DEK: variants seen among roughly 807,000 people sequenced by gnomAD.
The protein encoded by DEK is DEK proto-oncogene.
A neutral mutation model predicts 46.8 loss-of-function variants in DEK; 28 were observed. That is an observed-to-expected ratio of 0.60 (90% confidence interval 0.44 to 0.82). DEK has a LOEUF of 0.82. Among genes scored for constraint, DEK ranks in the 40% least tolerant of loss-of-function variants. DEK has a pLI of 0.00. For synonymous variants in DEK, 160 were observed against 144.5 expected (o/e 1.11, Z -0.77); for missense variants, 416 against 430.6 (o/e 0.97, Z 0.30).
At chr6:18,237,576 T>G in intron 7 of DEK, 60 bp from the exon 8 acceptor site, 1 of 1,521,674 alleles carries the variant, frequency 6.6e-7, no homozygotes, top group Non-Finnish European at 8.8e-7. Flanking sequence ...TCCCATCCCA[T>G]CCCTCTACTT....
chr6:18,255,687 C>T, intron 6 of DEK, 44 bp downstream of exon 6: 1 of 1,571,300 alleles, frequency 6.4e-7, no homozygotes, highest in Non-Finnish European at 8.6e-7. Context: ...TATAAAGAGG[C>T]TATGAATAAC....
At chr6:18,264,216 C>G (rs1168756151) in intron 1 of DEK, 169 bp downstream of exon 1, 1 of 347,844 alleles carries the variant, frequency 2.9e-6, no homozygotes, top group Non-Finnish European at 5.1e-6. Context: ...CGCCCGCTGC[C>G]CCGCGTGCGC....
intron 6 of DEK, among the ~76,000 whole-genome samples, chr6:18,253,567 T>C (rs1582289037): frequency 6.6e-6 from 1 of 152,210 alleles, no homozygotes. Flanking sequence ...TTAATTAACC[T>C]GGTTTCAGAC....
intron 7 of DEK, among the ~76,000 whole-genome samples, chr6:18,240,680 G>A (rs1790858167): frequency 6.6e-6 from 1 of 152,206 alleles, no homozygotes; most frequent in African/African-American, 2.4e-5. Flanking sequence ...AAAAAGCAGG[G>A]TGCAGTGGCT....
At chr6:18,247,056 A>C (rs1228400318) in intron 7 of DEK, among the ~76,000 whole-genome samples, 1 of 152,218 alleles carries the variant, frequency 6.6e-6, no homozygotes, top group Non-Finnish European at 1.5e-5. Context: ...TAATGACCAA[A>C]AATAGCTCCA....
intron 7 of DEK, among the ~76,000 whole-genome samples, chr6:18,246,208 G>A (rs532179827): frequency 7.2e-5 from 11 of 151,834 alleles, no homozygotes; most frequent in Non-Finnish European, 1.6e-4. Flanking sequence ...AAAATAACCT[G>A]TTTATTTTCC....
chr6:18,247,186 T>C (rs79697737), intron 7 of DEK, among the ~76,000 whole-genome samples: 30 of 152,262 alleles, frequency 2.0e-4, no homozygotes, highest in African/African-American at 7.0e-4. Context: ...TTCAAAGGCC[T>C]TTCACAGAAA....
At chr6:18,241,768 T>C (rs547617441) in intron 7 of DEK, among the ~76,000 whole-genome samples, 2 of 152,170 alleles carry the variant, frequency 1.3e-5, no homozygotes, top group African/African-American at 2.4e-5. Context: ...TTTTAAACAA[T>C]CATTTAAAAA....
intron 7 of DEK, among the ~76,000 whole-genome samples, chr6:18,240,534 T>A (rs113112436): frequency 3.8e-4 from 58 of 152,354 alleles, no homozygotes; most frequent in African/African-American, 1.3e-3. Flanking sequence ...ATGAAAAGTA[T>A]TTTTGGTAGT....
At chr6:18,231,692 T>C (rs1191282903) in intron 9 of DEK, among the ~76,000 whole-genome samples, 4 of 152,130 alleles carry the variant, frequency 2.6e-5, no homozygotes, top group African/African-American at 7.2e-5. Context: ...AATAGACCAA[T>C]AACAGGTTCT....
At chr6:18,261,400 T>C (rs1368195545) in intron 2 of DEK, among the ~76,000 whole-genome samples, 2 of 152,088 alleles carry the variant, frequency 1.3e-5, no homozygotes, top group Non-Finnish European at 2.9e-5. Flanking sequence ...TGGAGAAACC[T>C]TGTCTCTATT....
At chr6:18,227,137 C>A (rs1174002771) in intron 9 of DEK, among the ~76,000 whole-genome samples, 1 of 152,076 alleles carries the variant, frequency 6.6e-6, no homozygotes, top group African/African-American at 2.4e-5. Flanking sequence ...AAGACCTGAC[C>A]GTCCCCCAGC....
At chr6:18,251,905 T>A (rs1021926451) in intron 6 of DEK, among the ~76,000 whole-genome samples, 24 of 152,190 alleles carry the variant, frequency 1.6e-4, no homozygotes, top group African/African-American at 5.8e-4. Flanking sequence ...GATGTTAAGT[T>A]ATTCAAGCAG....
intron 7 of DEK, among the ~76,000 whole-genome samples, chr6:18,241,043 TA>T (rs1790871594): frequency 1.3e-5 from 2 of 152,204 alleles, no homozygotes; most frequent in South Asian, 4.1e-4. Flanking sequence ...AGGAATTTGG[TA>T]AAGTCTCTTT....
chr6:18,249,855 T>C lies in DEK; in HGVS notation c.574-16A>G, dbSNP rs1791290318. ...TCGGCAATGGCTGCATAAAAATTTA[T>C]AAAGATAACACCAATGAGGTATAAT... On this transcript the variant is annotated splice_polypyrimidine_tract_variant and intron_variant, in intron 6 of 10. Coordinates refer to ENST00000652689, the MANE Select transcript of DEK (RefSeq NM_003472.4). 3 of 1,587,204 alleles carry C rather than the reference T, an allele frequency of 1.9e-6. No individual in the cohort carries two copies. The highest frequency in any genetic ancestry group is 2.6e-6 in the Non-Finnish European group (3 of 1,172,084).
intron 9 of DEK, among the ~76,000 whole-genome samples, chr6:18,232,983 A>G (rs1790475478): frequency 6.6e-6 from 1 of 152,212 alleles, no homozygotes; most frequent in South Asian, 2.1e-4. Flanking sequence ...ACAGCATGGT[A>G]CTGGTACCAA....
chr6:18,260,432 A>T (rs1791805774), intron 2 of DEK, among the ~76,000 whole-genome samples: 1 of 152,158 alleles, frequency 6.6e-6, no homozygotes, highest in South Asian at 2.1e-4. Flanking sequence ...CAGGCACCTA[A>T]ACTCAAAATA....
Position 18,263,793 on chromosome 6 carries a change from A to G in DEK, c.145+50T>C, listed in dbSNP as rs1331782823. 2.5e-6 allele frequency: 4 copies of G among 1,610,486 alleles called. No homozygotes were observed. In the African/African-American group the frequency reaches 5.3e-5, roughly 22 times the overall value. ...AACTGTTTCCTGGGTGAAAAATACA[A>G]AAAAACTTCGGTCTGAAAAATTCAT... On this transcript the variant is annotated intron_variant, in intron 2 of 10. Coordinates refer to ENST00000652689, the MANE Select transcript of DEK (RefSeq NM_003472.4).
At chr6:18,231,822 C>T (rs1790425301) in intron 9 of DEK, among the ~76,000 whole-genome samples, 1 of 152,178 alleles carries the variant, frequency 6.6e-6, no homozygotes, top group East Asian at 1.9e-4. Flanking sequence ...TAAAACTATT[C>T]CAATGAATAG....
Sources: gnomAD v4.1 joint callset for allele counts (sites outside exome capture counted in the v4.1 genomes callset) on GRCh38, gnomAD v4.1.1 for gene constraint, MANE v1.5 for transcripts, NCBI Gene and HGNC (gene_info 2026-07-23, HGNC 2026-07-21) for gene names.